Variants in CLCN7 observed in about 807,000 individuals in gnomAD.
CLCN7 encodes H(+)/Cl(-) exchange transporter 7.
Under a neutral mutation model 102.1 loss-of-function variants are expected in CLCN7, and 60 were observed. The observed-to-expected ratio is 0.59, with a 90% CI of 0.48 to 0.73. CLCN7 has a LOEUF of 0.73. Ranked by LOEUF, CLCN7 falls within the 30% of genes least tolerant of loss-of-function variation. The pLI is 0.00. For synonymous variants in CLCN7, 560 were observed against 490.5 expected (o/e 1.14, Z -1.87); for missense variants, 962 against 1,125.7 (o/e 0.85, Z 2.08).
chr16:1,458,417 G>T (rs530852640), intron 7 of CLCN7, among the ~76,000 whole-genome samples: 2 of 152,252 alleles, frequency 1.3e-5, no homozygotes, highest in African/African-American at 4.8e-5. Flanking sequence ...AGCCTGGCGC[G>T]GGTGACAGGC....
chr16:1,462,333 A>G (rs946514204), intron 2 of CLCN7, among the ~76,000 whole-genome samples: 1 of 145,210 alleles, frequency 6.9e-6, no homozygotes, highest in African/African-American at 2.5e-5. Context: ...GTTCAAGACC[A>G]GCCTGGGCAA....
At chr16:1,465,492 G>A (rs2038992879) in intron 1 of CLCN7, among the ~76,000 whole-genome samples, 154 bp from the exon 2 acceptor site, 1 of 152,050 alleles carries the variant, frequency 6.6e-6, no homozygotes, top group African/African-American at 2.4e-5. Flanking sequence ...GGGGGCAGCA[G>A]GGCTGGGACG....
Position 1,465,357 on chromosome 16 carries a change from T to A in CLCN7, c.142-19A>T. On this transcript the variant is annotated intron_variant, in intron 1 of 24. Coordinates refer to ENST00000382745, the MANE Select transcript of CLCN7 (RefSeq NM_001287.6). Reference sequence around the variant, plus strand: ...GTGGTGACTAAAAGCAGAAGAGAAATCATGAGGGCGCTCAGGCGTCGCACG... The same window carrying A: ...GTGGTGACTAAAAGCAGAAGAGAAAACATGAGGGCGCTCAGGCGTCGCACG... 1 of 1,609,190 alleles carries A rather than the reference T, an allele frequency of 6.2e-7. No homozygotes were observed. Among genetic ancestry groups the A allele is most frequent in the Non-Finnish European group, 8.5e-7 (1 of 1,177,418 alleles).
chr16:1,453,721 G>T, intron 14 of CLCN7, 113 bp downstream of exon 14: 2 of 1,009,500 alleles, frequency 2.0e-6, no homozygotes, highest in Non-Finnish European at 3.2e-6. Context: ...TGCATACACA[G>T]CCTTTCTTTC....
chr16:1,473,969 AGCTACTCAGGAGGCT>A (rs1419154814), intron 1 of CLCN7, among the ~76,000 whole-genome samples: 1 of 152,072 alleles, frequency 6.6e-6, no homozygotes, highest in East Asian at 1.9e-4. Flanking sequence ...CTGTAATTCC[AGCTACTCAGGAGGCT>A]GAGGCAGGAG....
rs143074362 is a variant in CLCN7 at position 1,471,456 on chromosome 16, G to A, written c.141+3378C>T. On this transcript the variant is annotated intron_variant, in intron 1 of 24. Coordinates refer to ENST00000382745, the MANE Select transcript of CLCN7 (RefSeq NM_001287.6). ...GTACCCCGTCTGTGGCCACACTGGG[G>A]TGCGCCTGAGCCTAACTGTGAGCTG... 2.7e-3 allele frequency among the ~76,000 whole-genome samples: 414 copies of A among 152,236 alleles called. 1 individual carries two copies. Among genetic ancestry groups the A allele is most frequent in the Non-Finnish European group, 4.5e-3 (305 of 68,012 alleles).
At chr16:1,468,235 A>G (rs2039031173) in intron 1 of CLCN7, among the ~76,000 whole-genome samples, 1 of 152,220 alleles carries the variant, frequency 6.6e-6, no homozygotes, top group African/African-American at 2.4e-5. Context: ...ATTCAGGCCA[A>G]GGTGAAGGCT....
rs979991299 is a variant in CLCN7 at position 1,446,947 on chromosome 16, G to T, written c.2331+59C>A. On this transcript the variant is annotated intron_variant, in intron 24 of 24. Transcript: ENST00000382745. Reference sequence around the variant, plus strand: ...CTGCCGGGAGCTGAGAGTAAGCACGGGCAGGAGGCAGAGGGGAGCCCTGCA... The same window carrying T: ...CTGCCGGGAGCTGAGAGTAAGCACGTGCAGGAGGCAGAGGGGAGCCCTGCA... 1.6e-5 allele frequency: 24 copies of T among 1,457,908 alleles called. No homozygotes were observed. The African/African-American group carries it at 3.4e-4, about 20-fold the overall frequency. 90.3% of individuals were successfully genotyped at this position (1,457,908 alleles called of 1,614,324 possible).
At chr16:1,450,392 G>GGACAAC in intron 17 of CLCN7, 105 bp downstream of exon 17, 18 of 1,192,768 alleles carry the variant, frequency 1.5e-5, no homozygotes, top group Non-Finnish European at 2.1e-5. Flanking sequence ...AACCACGTGA[G>GGACAAC]GTGCGACACT....
intron 2 of CLCN7, among the ~76,000 whole-genome samples, chr16:1,464,554 C>T (rs572409451): frequency 6.6e-5 from 10 of 152,382 alleles, no homozygotes; most frequent in South Asian, 4.1e-4. Flanking sequence ...GCCTCGGGAG[C>T]GACTGCGGCA....
chr16:1,461,000 C>G (rs1276874734), intron 4 of CLCN7, 52 bp from the exon 5 acceptor site: 1 of 1,601,824 alleles, frequency 6.2e-7, no homozygotes. Flanking sequence ...CGCAGTCACT[C>G]TGGCAGCAGC....
chr16:1,453,458 C>T (rs1311759315), intron 14 of CLCN7, among the ~76,000 whole-genome samples: 1 of 152,206 alleles, frequency 6.6e-6, no homozygotes, highest in Non-Finnish European at 1.5e-5. Flanking sequence ...GTATTGAAAT[C>T]AGCACAGACC....
At chr16:1,450,726 G>C in intron 16 of CLCN7, 60 bp from the exon 17 acceptor site, 1 of 1,215,110 alleles carries the variant, frequency 8.2e-7, no homozygotes, top group East Asian at 2.5e-5. Flanking sequence ...GGACTGCCCT[G>C]CCCCGCTGCC....
chr16:1,471,977 C>T (rs2039085033), intron 1 of CLCN7: 2 of 152,582 alleles, frequency 1.3e-5, no homozygotes. Context: ...TGTCCTTTCC[C>T]CCCGTCCGCC....
intron 4 of CLCN7, 37 bp downstream of exon 4, chr16:1,461,368 C>G: frequency 6.5e-7 from 1 of 1,535,676 alleles, no homozygotes; most frequent in Non-Finnish European, 8.8e-7. Context: ...CCAGGCCCCG[C>G]ACCGTGGGGC....
At position 1,459,162 on chromosome 16, in the gene CLCN7, G is replaced by C. The variant is rs2038887181; in HGVS notation, c.620C>G (p.Pro207Arg). Residue 207 changes from proline to arginine, a missense_variant, in exon 7 of 25, where the codon CCC becomes CGC. Physicochemically the swap from Pro to Arg is moderately radical, Grantham distance 103. Around this residue, in one of 2 missense-constraint regions of CLCN7, gnomAD observed 799 missense variants for 988.0 expected, o/e 0.81. Coordinates refer to ENST00000382745, the MANE Select transcript of CLCN7 (RefSeq NM_001287.6). ...IEPVAAGSGI[P>R]QIKCFLNGVK... is the part of the protein sequence containing the mutation. ...CCCGTTGAGGAAGCACTTGATCTGG[G>C]GGATTCCGCTGCCAGCAGCCACCGG... 1 of 1,613,214 alleles carries C rather than the reference G, an allele frequency of 6.2e-7. No homozygotes were observed. The highest frequency in any genetic ancestry group is 1.3e-5 in the African/African-American group (1 of 74,948).
chr16:1,448,357 G>A lies in CLCN7; in HGVS notation c.2011C>T (p.Gln671Ter). ...CCTGTCTATGGGGTGCCCGGTACCT[G>A]GGTGTCATCGGCATGCTCCACCACG... is the stretch of plus-strand genomic sequence containing the variant. ...FPVVEHADDT[Q>*]PARLQGLILR... Residue 671 changes from glutamine (Q) to a stop codon, truncating the protein, a stop_gained and splice_region_variant, in exon 21 of 25, where the codon CAG becomes TAG. Transcript: ENST00000382745. LOFTEE classifies it high-confidence loss of function. The A allele has an allele frequency of 1.2e-6, 2 of 1,612,720 alleles. No individual in the cohort carries two copies. The highest frequency in any genetic ancestry group is 1.7e-6 in the Non-Finnish European group (2 of 1,179,942).
At chr16:1,465,878 G>A (rs377639138) in intron 1 of CLCN7, among the ~76,000 whole-genome samples, 66 of 152,336 alleles carry the variant, frequency 4.3e-4, no homozygotes, top group East Asian at 1.4e-3. Flanking sequence ...CTTTGCGGCC[G>A]CCCCAGCTCA....
At chr16:1,454,351 C>A in intron 13 of CLCN7, 60 bp downstream of exon 13, 14 of 1,551,264 alleles carry the variant, frequency 9.0e-6, no homozygotes, top group Non-Finnish European at 1.2e-5. Context: ...GTCTCTATGG[C>A]CACGTCACAG....
Sources: allele counts gnomAD v4.1 joint callset (sites outside exome capture counted in the v4.1 genomes callset), GRCh38; gene constraint gnomAD v4.1.1; regional missense constraint gnomAD v4.1.1; transcripts MANE v1.5; gene names NCBI Gene and HGNC (gene_info 2026-07-23, HGNC 2026-07-21).